The following ELP4 variants were observed in gnomAD, a reference collection of about 807,000 sequenced individuals.
The protein encoded by ELP4 is elongator complex protein 4.
A neutral mutation model predicts 48.9 loss-of-function variants in ELP4; 51 were observed. The observed-to-expected ratio is 1.04, with a 90% CI of 0.83 to 1.32. The LOEUF (loss-of-function observed/expected upper bound fraction) is 1.32. ELP4 is among the 40% of genes most tolerant of loss of function. ELP4 has a pLI of 0.00. For synonymous variants in ELP4, 210 were observed against 189.2 expected (o/e 1.11, Z -0.90); for missense variants, 519 against 514.6 (o/e 1.01, Z -0.08).
At chr11:31,709,244 C>A (rs1001631081) in intron 9 of ELP4, among the ~76,000 whole-genome samples, 3 of 152,092 alleles carry the variant, frequency 2.0e-5, no homozygotes, top group Non-Finnish European at 2.9e-5. Context: ...CAGTTAGGAA[C>A]AAATTGATGA....
intron 9 of ELP4, among the ~76,000 whole-genome samples, chr11:31,761,371 G>C (rs1474063459): frequency 2.0e-5 from 3 of 150,636 alleles, no homozygotes; most frequent in Admixed American, 6.6e-5. Context: ...ATGCTGTTTA[G>C]AGTGATAAAA....
At chr11:31,765,214 C>T (rs1486095041) in intron 9 of ELP4, among the ~76,000 whole-genome samples, 1 of 152,022 alleles carries the variant, frequency 6.6e-6, no homozygotes, top group African/African-American at 2.4e-5. Flanking sequence ...AAGAAGTGAC[C>T]TTATTCTAAA....
chr11:31,717,405 G>A (rs1404377291), intron 9 of ELP4, among the ~76,000 whole-genome samples: 1 of 151,910 alleles, frequency 6.6e-6, no homozygotes, highest in Non-Finnish European at 1.5e-5. Context: ...TTAGTATCAG[G>A]CCCATGGCTA....
In ELP4 at chr11:31,783,451, T is replaced by A; in HGVS notation, c.1202T>A (p.Leu401Gln). Residue 401 changes from leucine to glutamine, a missense_variant, in exon 10 of 10, where the codon CTG becomes CAG. Transcript: ENST00000640961. Reference sequence around the variant, plus strand: ...GTGAGCCGCTCAAGCAAAATGGATCTGGCAGAATCCGCCAAGCGGCTGGGC... The same window carrying A: ...GTGAGCCGCTCAAGCAAAATGGATCAGGCAGAATCCGCCAAGCGGCTGGGC... ...DTVSRSSKMDLAESAKRLGPG... is the reference protein window; with the variant it reads ...DTVSRSSKMDQAESAKRLGPG... 6.2e-6 allele frequency: 10 copies of A among 1,614,196 alleles called. No homozygotes were observed. Among genetic ancestry groups the A allele is most frequent in the Non-Finnish European group, 8.5e-6 (10 of 1,179,986 alleles).
At chr11:31,664,352 A>G (rs1276831172) in intron 9 of ELP4, 1 of 152,126 alleles carries the variant, frequency 6.6e-6, no homozygotes, top group Non-Finnish European at 1.5e-5. Context: ...TGACAAGTGC[A>G]TTAGGAATGA....
chr11:31,641,534 A>G (rs1945096950), intron 7 of ELP4, among the ~76,000 whole-genome samples: 1 of 151,904 alleles, frequency 6.6e-6, no homozygotes, highest in Non-Finnish European at 1.5e-5. Context: ...TGGTGAAAAT[A>G]AGACACCCTG....
Position 31,538,965 on chromosome 11 carries a change from A to G in ELP4, c.260-697A>G, listed in dbSNP as rs11031405. Among the ~76,000 whole-genome samples the G allele has an allele frequency of 8.2e-3, 1,243 of 152,298 alleles. 19 individuals carry two copies. The highest frequency in any genetic ancestry group is 0.028 in the African/African-American group (1,162 of 41,560). On this transcript the variant is annotated intron_variant, in intron 2 of 9. Coordinates refer to ENST00000640961, the MANE Select transcript of ELP4 (RefSeq NM_019040.5). ...ACTCTTTGATTTTGATGTTAGAGTA[A>G]TGATGGGCCTATAAAGTGGGAATTG...
At position 31,509,865 on chromosome 11, in the gene ELP4, C is replaced by CT; in HGVS notation, c.81_82insT (p.Ser28Ter). The CT allele has an allele frequency of 1.2e-6, 2 of 1,614,182 alleles. No homozygotes were observed. Among genetic ancestry groups the CT allele is most frequent in the Non-Finnish European group, 1.7e-6 (2 of 1,180,036 alleles). ...CGACAGCCAGCAAGAGCAACGTCAC[C>CT]AGTTTCCAGAGGAGGGGTCCTAGAG... On this transcript the variant is annotated frameshift_variant, in exon 1 of 10. Coordinates refer to ENST00000640961, the MANE Select transcript of ELP4 (RefSeq NM_019040.5). LOFTEE classifies it high-confidence loss of function.
chr11:31,603,949 T>A, intron 5 of ELP4, 42 bp downstream of exon 5: 1 of 1,559,294 alleles, frequency 6.4e-7, no homozygotes, highest in Non-Finnish European at 8.8e-7. Context: ...TGATTTCAAA[T>A]ATTAGTAGAA....
chr11:31,702,851 G>T (rs528819278), intron 9 of ELP4, among the ~76,000 whole-genome samples: 1 of 152,148 alleles, frequency 6.6e-6, no homozygotes, highest in East Asian at 1.9e-4. Flanking sequence ...GGATATCAAT[G>T]CCTATATCAA....
chr11:31,635,089 G>C (rs1406626857), intron 7 of ELP4, among the ~76,000 whole-genome samples: 1 of 151,882 alleles, frequency 6.6e-6, no homozygotes, highest in African/African-American at 2.4e-5. Context: ...ATGTTTAGGA[G>C]AAAATATAAA....
intron 2 of ELP4, among the ~76,000 whole-genome samples, chr11:31,533,759 G>A (rs1956448571): frequency 6.6e-6 from 1 of 152,060 alleles, no homozygotes; most frequent in African/African-American, 2.4e-5. Flanking sequence ...AATTGAAGGA[G>A]GAGGATTAGG....
intron 3 of ELP4, among the ~76,000 whole-genome samples, chr11:31,586,460 A>G (rs892678264): frequency 2.6e-5 from 4 of 152,202 alleles, no homozygotes; most frequent in African/African-American, 9.6e-5. Context: ...GAATTCATGC[A>G]GAAAAAGCAA....
intron 9 of ELP4, among the ~76,000 whole-genome samples, chr11:31,747,157 C>T (rs942771312): frequency 9.2e-5 from 14 of 151,968 alleles, no homozygotes; most frequent in Non-Finnish European, 1.6e-4. Context: ...AATGAACTTA[C>T]AGTCAAATAG....
intron 9 of ELP4, among the ~76,000 whole-genome samples, chr11:31,666,836 G>GC (rs757441534): frequency 2.6e-5 from 4 of 151,910 alleles, no homozygotes; most frequent in Non-Finnish European, 4.4e-5. Flanking sequence ...TGTGAAAATG[G>GC]CTCTCCTTTG....
rs972350387 is a variant in ELP4 at position 31,788,624 on chromosome 11, T to C, written c.*5100T>C. 2 of 218,042 alleles carry C rather than the reference T, an allele frequency of 9.2e-6. No homozygotes were observed. The highest frequency in any genetic ancestry group is 3.7e-4 in the South Asian group (2 of 5,384). The allele number at this position is 218,042 out of a possible 1,614,324, so 13.5% of individuals were successfully genotyped here. A position where few individuals can be genotyped will look rare whatever the true frequency, so the allele number is the denominator to read the frequency against. ...CAGTCCTAATTCAAAAAACAATTCC[T>C]AGCTAATCGCTTGTTGCATTTTTAA... On this transcript the variant is annotated 3_prime_UTR_variant, in exon 10 of 10. Coordinates refer to ENST00000640961, the MANE Select transcript of ELP4 (RefSeq NM_019040.5).
At chr11:31,673,156 A>G (rs995701467) in intron 9 of ELP4, among the ~76,000 whole-genome samples, 1 of 152,002 alleles carries the variant, frequency 6.6e-6, no homozygotes, top group Admixed American at 6.6e-5. Context: ...AGCTGGGACT[A>G]CAGGTGTGCA....
At chr11:31,692,860 A>G (rs1281986626) in intron 9 of ELP4, among the ~76,000 whole-genome samples, 1 of 152,134 alleles carries the variant, frequency 6.6e-6, no homozygotes, top group Non-Finnish European at 1.5e-5. Flanking sequence ...TCTATGATCC[A>G]CACCAAGTCT....
At chr11:31,540,852 A>T (rs1429774043) in intron 3 of ELP4, among the ~76,000 whole-genome samples, 7 of 152,186 alleles carry the variant, frequency 4.6e-5, no homozygotes, top group Non-Finnish European at 1.0e-4. Context: ...TCATTGATTA[A>T]TATTAGTTTT....
Sources: gnomAD v4.1 joint callset for allele counts (sites outside exome capture counted in the v4.1 genomes callset) on GRCh38, gnomAD v4.1.1 for gene constraint, MANE v1.5 for transcripts, NCBI Gene and HGNC (gene_info 2026-07-23, HGNC 2026-07-21) for gene names.